Variants in CDNF observed in about 807,000 individuals in gnomAD.
The protein encoded by CDNF is cerebral dopamine neurotrophic factor.
A neutral mutation model predicts 14.8 loss-of-function variants in CDNF; 9 were observed. The ratio of observed to expected loss-of-function variants is 0.61; its 90% confidence interval spans 0.37 to 1.06. The LOEUF (loss-of-function observed/expected upper bound fraction) is 1.06, where lower values mean the gene tolerates loss of function less well. Among genes scored for constraint, CDNF ranks in the 50% least tolerant of loss-of-function variants. The pLI is 0.01. For missense variants in CDNF, 228 were observed against 228.4 expected (o/e 1.00, Z 0.01); for synonymous variants, 86 against 87.2 (o/e 0.99, Z 0.07).
chr10:14,834,578 TAAAA>T (rs1833871275), intron 1 of CDNF, among the ~76,000 whole-genome samples: 1 of 152,200 alleles, frequency 6.6e-6, no homozygotes, highest in South Asian at 2.1e-4. Context: ...TTTGACTCAC[TAAAA>T]TATACCCAAA....
intron 3 of CDNF, among the ~76,000 whole-genome samples, chr10:14,824,424 G>A (rs1833762353): frequency 6.6e-6 from 1 of 152,050 alleles, no homozygotes; most frequent in African/African-American, 2.4e-5. Context: ...TGGCCAACAT[G>A]GTGAAACCTC....
chr10:14,826,015 AGAAGAAGAAGAAGG>A (rs1347522020), intron 2 of CDNF, among the ~76,000 whole-genome samples: 8 of 118,580 alleles, frequency 6.7e-5, no homozygotes, highest in African/African-American at 3.3e-4. Flanking sequence ...AAGCAGAAGC[AGAAGAAGAAGAAGG>A]AGAAGAAGAA....
chr10:14,835,166 T>A (rs1198521775), intron 1 of CDNF, among the ~76,000 whole-genome samples: 1 of 152,216 alleles, frequency 6.6e-6, no homozygotes, highest in Non-Finnish European at 1.5e-5. Context: ...GAGGGCATGT[T>A]CACTAGTCAA....
In CDNF at chr10:14,826,089, AAGAAGAAGC is replaced by A. The variant is rs1255166350; in HGVS notation, c.244-478_244-470del. Among the ~76,000 whole-genome samples, 824 of 125,020 alleles carry A rather than the reference AAGAAGAAGC, an allele frequency of 6.6e-3. 3 individuals carry two copies. The highest frequency in any genetic ancestry group is 9.8e-3 in the Non-Finnish European group (556 of 57,008). 82.0% of individuals were successfully genotyped at this position (125,020 alleles called of 152,430 possible). ...GAAGAAGAAGAAGAAGAAGAAGAAG[AAGAAGAAGC>A]AGCAGCAGCAGCAGCAGCAGCAGCA... On this transcript the variant is annotated intron_variant, in intron 2 of 3. Coordinates refer to ENST00000465530, the MANE Select transcript of CDNF (RefSeq NM_001029954.3).
intron 1 of CDNF, 124 bp from the exon 2 acceptor site, chr10:14,828,396 C>G: frequency 1.2e-6 from 1 of 861,692 alleles, no homozygotes; most frequent in Non-Finnish European, 1.8e-6. Context: ...CCCCTGTAAT[C>G]CTAGCACTTT....
intron 3 of CDNF, among the ~76,000 whole-genome samples, chr10:14,821,415 C>T (rs1210754424): frequency 3.3e-5 from 5 of 152,284 alleles, no homozygotes; most frequent in South Asian, 2.1e-4. Context: ...TGAGCCACCG[C>T]GCCTGGCCAA....
rs1374565008 is a variant in CDNF at position 14,826,149 on chromosome 10, GAGA to G, written c.244-532_244-530del. On this transcript the variant is annotated intron_variant, in intron 2 of 3. Coordinates refer to ENST00000465530, the MANE Select transcript of CDNF (RefSeq NM_001029954.3). ...GAAGCAGGAGAAGGAGAAGGAGAAG[GAGA>G]AGAAGAAGAAGAAGCAGAAGCAGCA... Among the ~76,000 whole-genome samples the G allele has an allele frequency of 1.6e-3, 199 of 122,694 alleles. 8 individuals are homozygous for G. Among genetic ancestry groups the G allele is most frequent in the African/African-American group, 6.0e-3 (167 of 27,746 alleles). 80.5% of individuals were successfully genotyped at this position (122,694 alleles called of 152,430 possible). A position where few individuals can be genotyped will look rare whatever the true frequency, so the allele number is the denominator to read the frequency against.
intron 3 of CDNF, among the ~76,000 whole-genome samples, chr10:14,823,031 T>C (rs967426277): frequency 6.6e-6 from 1 of 152,242 alleles, no homozygotes; most frequent in Non-Finnish European, 1.5e-5. Context: ...ATGGCTGATC[T>C]GACAGAATAC....
At chr10:14,826,808 G>C (rs1250588232) in intron 2 of CDNF, among the ~76,000 whole-genome samples, 1 of 152,176 alleles carries the variant, frequency 6.6e-6, no homozygotes, top group Non-Finnish European at 1.5e-5. Context: ...CCCAGATCTA[G>C]CAATAGAAGA....
Position 14,829,937 on chromosome 10 carries a change from A to G in CDNF, c.116-1665T>C, listed in dbSNP as rs1396103219. Among the ~76,000 whole-genome samples the G allele has an allele frequency of 2.0e-5, 3 of 151,770 alleles. No homozygotes were observed. In the East Asian group the frequency reaches 5.8e-4, roughly 29 times the overall value. On this transcript the variant is annotated intron_variant, in intron 1 of 3. Transcript: ENST00000465530. ...TGCATCAGGCCCAGAGTACGTTTCT[A>G]TTTGTTGTTGTTTCTATAGGTTCTT...
At chr10:14,832,918 G>A (rs1216052312) in intron 1 of CDNF, among the ~76,000 whole-genome samples, 2 of 145,792 alleles carry the variant, frequency 1.4e-5, no homozygotes, top group African/African-American at 5.1e-5. Context: ...GGAGTGCAGC[G>A]GTGCCATTTC....
chr10:14,822,630 G>A (rs1833746910), intron 3 of CDNF, among the ~76,000 whole-genome samples: 1 of 151,502 alleles, frequency 6.6e-6, no homozygotes, highest in Non-Finnish European at 1.5e-5. Flanking sequence ...CTTTGATAAT[G>A]AATACAACAT....
Position 14,837,858 on chromosome 10 carries a change from C to T in CDNF, c.89G>A (p.Gly30Glu). ...HPVLTQGQEA[G>E]GRPGADCEVC... ...TTCACAGTCGGCCCCTGGCCGCCCC[C>T]CGGCCTCCTGGCCCTGCGTCAGCAC... Residue 30 changes from glycine (G) to glutamate (E), a missense_variant, in exon 1 of 4, where the codon GGG (glycine) becomes GAG (glutamate). Gly to Glu is a moderately conservative substitution (Grantham distance 98). Coordinates refer to ENST00000465530, the MANE Select transcript of CDNF (RefSeq NM_001029954.3). The T allele has an allele frequency of 6.2e-7, 1 of 1,600,992 alleles. No individual in the cohort carries two copies. Among genetic ancestry groups the T allele is most frequent in the Non-Finnish European group, 8.5e-7 (1 of 1,176,160 alleles).
chr10:14,828,204 T>G lies in CDNF; in HGVS notation c.184A>C (p.Thr62Pro), dbSNP rs148342214. The G allele has an allele frequency of 4.5e-5, 73 of 1,613,398 alleles. No homozygotes were observed. Among genetic ancestry groups the G allele is most frequent in the Admixed American group, 2.0e-4 (12 of 60,000 alleles). Residue 62 changes from threonine to proline, a missense_variant, in exon 2 of 4, where the codon ACT becomes CCT. Transcript: ENST00000465530. ...AAACTGATCAATTCTTTCTCTATAGTGTCCAGCGAAAAGTTAACTCCTCTG... is the reference window on the plus strand; with the variant it reads ...AAACTGATCAATTCTTTCTCTATAGGGTCCAGCGAAAAGTTAACTCCTCTG... ...IDRGVNFSLD[T>P]IEKELISFCL...
intron 3 of CDNF, 42 bp from the exon 4 acceptor site, chr10:14,820,200 G>GA (rs201114666): frequency 1.4e-4 from 227 of 1,586,112 alleles, no homozygotes; most frequent in African/African-American, 1.8e-4. Context: ...AAAATAAATG[G>GA]AAAAAAAATC....
chr10:14,827,023 C>T (rs975143604), intron 2 of CDNF, among the ~76,000 whole-genome samples: 20 of 131,880 alleles, frequency 1.5e-4, no homozygotes, highest in Middle Eastern at 4.7e-3. Context: ...CGAGATCAGC[C>T]TGGGCTACAA....
At chr10:14,833,811 A>G (rs1255687242) in intron 1 of CDNF, among the ~76,000 whole-genome samples, 1 of 152,218 alleles carries the variant, frequency 6.6e-6, no homozygotes, top group Admixed American at 6.5e-5. Context: ...GGGAAGATGG[A>G]AAACAACCAG....
At chr10:14,829,564 C>A (rs933701516) in intron 1 of CDNF, among the ~76,000 whole-genome samples, 1 of 152,188 alleles carries the variant, frequency 6.6e-6, no homozygotes, top group Non-Finnish European at 1.5e-5. Context: ...TCTTTAAACA[C>A]ACTAAACTTA....
At chr10:14,836,039 AT>A (rs1344999565) in intron 1 of CDNF, among the ~76,000 whole-genome samples, 1 of 152,250 alleles carries the variant, frequency 6.6e-6, no homozygotes, top group African/African-American at 2.4e-5. Flanking sequence ...TTTTCAAAAT[AT>A]TTTGTAAATG....
Sources: gnomAD v4.1 joint callset for allele counts (sites outside exome capture counted in the v4.1 genomes callset) on GRCh38, gnomAD v4.1.1 for gene constraint, MANE v1.5 for transcripts, NCBI Gene and HGNC (gene_info 2026-07-23, HGNC 2026-07-21) for gene names.